The following SPMAP2L variants were observed in gnomAD, a reference collection of about 807,000 sequenced individuals.
SPMAP2L encodes sperm microtubule associated protein 2-like.
the SPMAP2L span, among the ~76,000 whole-genome samples, chr4:56,570,770 A>C: frequency 6.6e-6 from 1 of 152,000 alleles, no homozygotes; most frequent in Admixed American, 6.6e-5. Flanking sequence ...ACTTTAGCTC[A>C]CAATAAGCTT....
the SPMAP2L span, among the ~76,000 whole-genome samples, chr4:56,606,592 T>G: frequency 0.043 from 6,571 of 152,168 alleles, 334 homozygotes; most frequent in African/African-American, 0.12. Flanking sequence ...GGAACTGCCT[T>G]CCAGTAAATC....
the SPMAP2L span, among the ~76,000 whole-genome samples, chr4:56,537,825 TG>T: frequency 6.6e-6 from 1 of 152,124 alleles, no homozygotes. Context: ...CCCGAGTAGC[TG>T]GGACTACAGG....
chr4:56,560,232 A>G, the SPMAP2L span, among the ~76,000 whole-genome samples: 1 of 152,192 alleles, frequency 6.6e-6, no homozygotes, highest in Admixed American at 6.5e-5. Context: ...GAGATATCTG[A>G]AATCACCTGT....
At chr4:56,594,452 G>A in the SPMAP2L span, 2 of 1,606,032 alleles carry the variant, frequency 1.2e-6, no homozygotes, top group African/African-American at 1.3e-5. Context: ...CTGAGAGCTT[G>A]AGAAGGATTT....
chr4:56,567,891 A>G, the SPMAP2L span, among the ~76,000 whole-genome samples: 8 of 151,914 alleles, frequency 5.3e-5, no homozygotes, highest in Admixed American at 1.3e-4. Context: ...TACAATTTTC[A>G]TCTAATTTGG....
At chr4:56,620,116 A>C in the SPMAP2L span, among the ~76,000 whole-genome samples, 11 of 152,204 alleles carry the variant, frequency 7.2e-5, no homozygotes, top group Non-Finnish European at 1.5e-4. Context: ...TAAATCCTGC[A>C]TGGGAAATGC....
the SPMAP2L span, chr4:56,559,635 T>C: frequency 6.3e-6 from 7 of 1,109,078 alleles, no homozygotes; most frequent in Non-Finnish European, 8.0e-6. Flanking sequence ...TGGCATGATC[T>C]TGGCTCACTG....
the SPMAP2L span, chr4:56,594,842 G>A: frequency 6.3e-7 from 1 of 1,598,766 alleles, no homozygotes; most frequent in Non-Finnish European, 8.6e-7. Flanking sequence ...CCTAGACGGG[G>A]CAAATATGAA....
chr4:56,613,845 G>A, the SPMAP2L span, among the ~76,000 whole-genome samples: 1 of 152,200 alleles, frequency 6.6e-6, no homozygotes, highest in African/African-American at 2.4e-5. Flanking sequence ...TTTGAATGCA[G>A]GACCTACCAC....
chr4:56,559,753 G>C, the SPMAP2L span, among the ~76,000 whole-genome samples: 1 of 152,058 alleles, frequency 6.6e-6, no homozygotes, highest in African/African-American at 2.4e-5. Flanking sequence ...ATTTTTAGTA[G>C]AGACAGGGTT....
the SPMAP2L span, among the ~76,000 whole-genome samples, chr4:56,544,828 C>G: frequency 6.6e-6 from 1 of 152,222 alleles, no homozygotes; most frequent in Non-Finnish European, 1.5e-5. Context: ...TGGACCTGCA[C>G]AACTACGTCA....
chr4:56,562,578 T>C, the SPMAP2L span, among the ~76,000 whole-genome samples: 1 of 152,200 alleles, frequency 6.6e-6, no homozygotes, highest in South Asian at 2.1e-4. Context: ...TCATTCCCTC[T>C]AAATTCACTC....
chr4:56,616,012 A>G, the SPMAP2L span, among the ~76,000 whole-genome samples: 1 of 152,192 alleles, frequency 6.6e-6, no homozygotes, highest in Non-Finnish European at 1.5e-5. Context: ...GAGATTTAGT[A>G]GATCTGAATT....
chr4:56,594,866 A>C, the SPMAP2L span: 1 of 1,609,510 alleles, frequency 6.2e-7, no homozygotes, highest in South Asian at 1.1e-5. Flanking sequence ...TCAGGTGGGA[A>C]TCTGTCGCCC....
At chr4:56,607,841 T>TA in the SPMAP2L span, among the ~76,000 whole-genome samples, 1 of 151,682 alleles carries the variant, frequency 6.6e-6, no homozygotes, top group East Asian at 1.9e-4. Context: ...AAATGTTTTT[T>TA]AAAAAACTAG....
At chr4:56,587,126 A>G in the SPMAP2L span, among the ~76,000 whole-genome samples, 2 of 152,156 alleles carry the variant, frequency 1.3e-5, no homozygotes, top group Admixed American at 1.3e-4. Context: ...AATTAATTTT[A>G]AGAGCCCTAA....
the SPMAP2L span, among the ~76,000 whole-genome samples, chr4:56,569,857 T>A: frequency 3.9e-5 from 6 of 152,188 alleles, no homozygotes; most frequent in Non-Finnish European, 1.5e-5. Flanking sequence ...TATTATACTA[T>A]CATGCCGGGA....
chr4:56,611,356 A>T, the SPMAP2L span, among the ~76,000 whole-genome samples: 1 of 152,174 alleles, frequency 6.6e-6, no homozygotes, highest in African/African-American at 2.4e-5. Context: ...GTATGTTCTC[A>T]TAGGTGGGAG....
the SPMAP2L span, among the ~76,000 whole-genome samples, chr4:56,562,550 A>G: frequency 2.0e-5 from 3 of 152,200 alleles, no homozygotes; most frequent in Non-Finnish European, 4.4e-5. Flanking sequence ...ACATGTGTCT[A>G]ATAAAACTCA....
Sources: gnomAD v4.1 joint callset for allele counts (sites outside exome capture counted in the v4.1 genomes callset) on GRCh38, gnomAD v4.1.1 for gene constraint, MANE v1.5 for transcripts, NCBI Gene and HGNC (gene_info 2026-07-23, HGNC 2026-07-21) for gene names.